RELCH: variants seen among roughly 807,000 people sequenced by gnomAD.
The protein encoded by RELCH is RAB11-binding protein RELCH.
In RELCH, 41 loss-of-function variants were observed where a neutral mutation model predicts 150.3. The ratio of observed to expected loss-of-function variants is 0.27; its 90% CI spans 0.21 to 0.35. The LOEUF (loss-of-function observed/expected upper bound fraction) is 0.35, where lower values mean the gene tolerates loss of function less well. Ranked by LOEUF, RELCH falls within the 10% of genes least tolerant of loss-of-function variation. The pLI, the probability that RELCH is intolerant of heterozygous loss-of-function variation, is 1.00. For missense variants in RELCH, 1,092 were observed against 1,467.8 expected (o/e 0.74, Z 4.18); for synonymous variants, 478 against 531.8 (o/e 0.90, Z 1.39).
intron 28 of RELCH, among the ~76,000 whole-genome samples, chr18:62,302,900 T>C (rs2045728178): frequency 6.6e-6 from 1 of 152,174 alleles, no homozygotes; most frequent in Admixed American, 6.5e-5. Context: ...ATAGGGATAT[T>C]AGTTGCAAAG....
At chr18:62,204,810 G>T (rs562038207) in intron 1 of RELCH, among the ~76,000 whole-genome samples, 2 of 152,232 alleles carry the variant, frequency 1.3e-5, no homozygotes, top group South Asian at 4.1e-4. Context: ...TCATGGTCTA[G>T]CTTTGGTTCA....
intron 1 of RELCH, among the ~76,000 whole-genome samples, chr18:62,198,838 G>C (rs1473615877): frequency 6.6e-6 from 1 of 151,760 alleles, no homozygotes; most frequent in Non-Finnish European, 1.5e-5. Flanking sequence ...ACCTCACTAG[G>C]AATTTTTTAA....
chr18:62,203,668 A>G (rs2039592893), intron 1 of RELCH, among the ~76,000 whole-genome samples: 1 of 152,200 alleles, frequency 6.6e-6, no homozygotes, highest in Non-Finnish European at 1.5e-5. Context: ...CAGTAGCCTT[A>G]ATAATATTGC....
chr18:62,231,712 G>T (rs1028051322), intron 9 of RELCH, among the ~76,000 whole-genome samples: 2 of 151,896 alleles, frequency 1.3e-5, no homozygotes, highest in Non-Finnish European at 2.9e-5. Context: ...TTGCAGATTA[G>T]TCTTGAGGGG....
intron 10 of RELCH, among the ~76,000 whole-genome samples, chr18:62,243,314 C>G (rs2042242422): frequency 6.6e-6 from 1 of 152,094 alleles, no homozygotes; most frequent in African/African-American, 2.4e-5. Flanking sequence ...TCTACAGAAT[C>G]AGGACTAATC....
intron 28 of RELCH, chr18:62,300,289 A>AG (rs1335595661): frequency 1.3e-5 from 2 of 152,108 alleles, no homozygotes; most frequent in East Asian, 3.9e-4. Flanking sequence ...TGTTCTCCTC[A>AG]GGTTTTTACA....
At chr18:62,233,005 G>A (rs746477222) in intron 10 of RELCH, among the ~76,000 whole-genome samples, 79 of 151,764 alleles carry the variant, frequency 5.2e-4, no homozygotes, top group Non-Finnish European at 1.0e-3. Context: ...GCAGTTAACC[G>A]GTTATTGACA....
chr18:62,257,466 CAG>C (rs2043044914), intron 13 of RELCH, among the ~76,000 whole-genome samples: 1 of 151,866 alleles, frequency 6.6e-6, no homozygotes, highest in African/African-American at 2.4e-5. Context: ...TTCTAATTGC[CAG>C]AGAGATTTTT....
intron 18 of RELCH, among the ~76,000 whole-genome samples, chr18:62,266,372 C>T (rs1206606315): frequency 6.6e-6 from 1 of 151,694 alleles, no homozygotes; most frequent in Non-Finnish European, 1.5e-5. Context: ...CTTCTATAAC[C>T]AAGTTCAGTT....
At position 62,258,664 on chromosome 18, in the gene RELCH, A is replaced by G; in HGVS notation, c.2190A>G (p.Glu730=). Residue 730 remains glutamate (E), a synonymous_variant, in exon 15 of 29, where the codon GAA becomes GAG. Coordinates refer to ENST00000644646, the MANE Select transcript of RELCH (RefSeq NM_001346231.2). ...HLILTLLNKI[E]KLLREGEHGL... ...TACTTACACTACTGAACAAGATTGA[A>G]AAACTTCTCAGGGTAAGTTCTTCTT... is the stretch of plus-strand genomic sequence containing the variant. 6.3e-7 allele frequency: 1 copy of G among 1,584,562 alleles called. No individual in the cohort carries two copies.
At chr18:62,229,660 T>G (rs537440563) in intron 8 of RELCH, among the ~76,000 whole-genome samples, 16 of 152,012 alleles carry the variant, frequency 1.1e-4, no homozygotes, top group Non-Finnish European at 2.4e-4. Context: ...TCCAACTTGC[T>G]TTGGGAACAT....
chr18:62,264,015 C>T lies in RELCH; in HGVS notation c.2377C>T (p.Pro793Ser), dbSNP rs1269723674. ...GACTAGGTTTCCTCGGCCTATGTCG[C>T]CTCTTCAAGATGTGTCCACTATTAT... ...EVTRFPRPMS[P>S]LQDVSTIIGS... The change falls in exon 17 of 29, where the codon CCT becomes TCT. Residue 793 changes from proline to serine, a missense_variant. Around this residue, in one of 4 missense-constraint regions of RELCH, gnomAD observed 707 missense variants for 1,025.4 expected, o/e 0.69. Transcript: ENST00000644646. 12 of 1,608,414 alleles carry T rather than the reference C, an allele frequency of 7.5e-6. No homozygotes were observed. The highest frequency in any genetic ancestry group is 1.7e-4 in the Middle Eastern group (1 of 6,040).
rs556063696 is a variant in RELCH, at chr18:62,226,795, G to C, written c.859-494G>C. Among the ~76,000 whole-genome samples the C allele has an allele frequency of 7.9e-5, 12 of 152,098 alleles. 1 individual carries two copies. The highest frequency in any genetic ancestry group is 7.7e-4 in the East Asian group (4 of 5,168). On this transcript the variant is annotated intron_variant, in intron 5 of 28. Coordinates refer to ENST00000644646, the MANE Select transcript of RELCH (RefSeq NM_001346231.2). ...CAGGAAACTTACAAGAATAATATTG[G>C]ATACTGGAAAGTGTAAAATAAATGT... is the stretch of plus-strand genomic sequence containing the variant.
At chr18:62,258,277 T>C (rs1455714318) in intron 14 of RELCH, among the ~76,000 whole-genome samples, 189 bp downstream of exon 14, 1 of 151,970 alleles carries the variant, frequency 6.6e-6, no homozygotes, top group Non-Finnish European at 1.5e-5. Context: ...ACTTCAGTTA[T>C]AGTATCTGCC....
chr18:62,292,361 G>C (rs1183869602), intron 27 of RELCH, among the ~76,000 whole-genome samples: 1 of 151,972 alleles, frequency 6.6e-6, no homozygotes, highest in Non-Finnish European at 1.5e-5. Context: ...TGTGGCTCCT[G>C]GGACTCCACT....
Position 62,305,405 on chromosome 18 carries a change from C to G in RELCH, c.3531-9C>G. ...TTGCTTTACATGAATTTTAAATTTT[C>G]TTTCCTAGCTCAATGTCAATTGCTG... On this transcript the variant is annotated splice_polypyrimidine_tract_variant and intron_variant, in intron 28 of 28. Transcript: ENST00000644646. This position sits in a 1 kb window ranked among gnomAD's most constrained non-coding sequence, Gnocchi z 4.0. 1 of 1,570,354 alleles carries G rather than the reference C, an allele frequency of 6.4e-7. No individual in the cohort carries two copies. The highest frequency in any genetic ancestry group is 8.6e-7 in the Non-Finnish European group (1 of 1,164,816).
chr18:62,187,720 C>A lies in RELCH; in HGVS notation c.215C>A (p.Pro72His). The A allele has an allele frequency of 1.2e-6, 2 of 1,607,790 alleles. No individual in the cohort carries two copies. The highest frequency in any genetic ancestry group is 1.7e-6 in the Non-Finnish European group (2 of 1,175,698). The change falls in exon 1 of 29, where the codon CCT becomes CAT. Residue 72 changes from proline (P) to histidine (H), a missense_variant. Pro to His is a moderately conservative substitution (Grantham distance 77, BLOSUM62 -2). Transcript: ENST00000644646. ...ALGSSARPGL[P>H]GEASAAAVAL... ...GGAAGCAGTGCGCGGCCAGGGCTCC[C>A]TGGGGAGGCGTCGGCGGCTGCAGTG... is the stretch of plus-strand genomic sequence containing the variant.
At chr18:62,201,108 G>A (rs2039412313) in intron 1 of RELCH, among the ~76,000 whole-genome samples, 1 of 150,964 alleles carries the variant, frequency 6.6e-6, no homozygotes, top group Non-Finnish European at 1.5e-5. Context: ...CAAGTAGCTG[G>A]GTCTACAGGC....
In RELCH at chr18:62,287,332, C is replaced by CT. The variant is rs571403916; in HGVS notation, c.3254-11dup. The CT allele has an allele frequency of 1.3e-4, 174 of 1,299,470 alleles. No homozygotes were observed. The highest frequency in any genetic ancestry group is 1.6e-4 in the Non-Finnish European group (143 of 897,864). The allele number at this position is 1,299,470 out of a possible 1,614,324, so 80.5% of individuals were successfully genotyped here. ...GCATGTTTTGGGTAAAAATTTAACC[C>CT]TTTTTTTTCTGTTTTCAGTTGTTAT... On this transcript the variant is annotated intron_variant, in intron 25 of 28. Coordinates refer to ENST00000644646, the MANE Select transcript of RELCH (RefSeq NM_001346231.2).
Sources: gnomAD v4.1 joint callset for allele counts (sites outside exome capture counted in the v4.1 genomes callset) on GRCh38, gnomAD v4.1.1 for gene constraint, gnomAD v4.1.1 regional missense constraint, Gnocchi (gnomAD v3.1) non-coding constraint, MANE v1.5 for transcripts, NCBI Gene and HGNC (gene_info 2026-07-23, HGNC 2026-07-21) for gene names.